CEP290: variants seen among roughly 807,000 people sequenced by gnomAD.
The protein encoded by CEP290 is centrosomal protein of 290 kDa.
In CEP290, 317 loss-of-function variants were observed where a neutral mutation model predicts 344.9. That is an observed-to-expected ratio of 0.92 (90% CI 0.84 to 1.01). CEP290 has a LOEUF of 1.01. Among genes scored for constraint, CEP290 ranks in the 50% least tolerant of loss-of-function variants. The pLI is 0.00. For missense variants in CEP290, 2,754 were observed against 2,761.4 expected (o/e 1.00, Z 0.06); for synonymous variants, 932 against 895.8 (o/e 1.04, Z -0.72).
chr12:88,140,054 C>A (rs557722018), intron 3 of CEP290, among the ~76,000 whole-genome samples: 2 of 152,252 alleles, frequency 1.3e-5, no homozygotes, highest in South Asian at 2.1e-4. Flanking sequence ...CCATGCCAGG[C>A]AATTTTCTTA....
chr12:88,133,050 C>A (rs908002743), intron 6 of CEP290, among the ~76,000 whole-genome samples: 5 of 149,584 alleles, frequency 3.3e-5, no homozygotes, highest in African/African-American at 7.4e-5. Context: ...CATGTCCCTG[C>A]AAAGGACATG....
chr12:88,090,807 T>C lies in CEP290; in HGVS notation c.3494A>G (p.Gln1165Arg). The change falls in exon 30 of 54, where the codon CAA (glutamine) becomes CGA (arginine). Residue 1165 changes from glutamine (Q) to arginine (R), a missense_variant. Gln to Arg is a conservative substitution (Grantham distance 43). Transcript: ENST00000552810. ...TTGTTGTGCATTCAAAATTTCAACT[T>C]GTCTTCTGGCAATATCAGAAATCTC... Reference protein sequence around the residue: ...LREISDIARRQVEILNAQQQS... With the variant: ...LREISDIARRRVEILNAQQQS... 6.4e-7 allele frequency: 1 copy of C among 1,559,700 alleles called. No homozygotes were observed. Among genetic ancestry groups the C allele is most frequent in the Non-Finnish European group, 8.7e-7 (1 of 1,149,964 alleles).
In CEP290 at chr12:88,050,394, G is replaced by C. The variant is rs776216960; in HGVS notation, c.7169C>G (p.Thr2390Arg). 1.4e-5 allele frequency: 22 copies of C among 1,562,350 alleles called. No individual in the cohort carries two copies. The highest frequency in any genetic ancestry group is 2.3e-5 in the East Asian group (1 of 43,814). Residue 2390 changes from threonine to arginine, a missense_variant, in exon 53 of 54, where the codon ACA becomes AGA. By Grantham distance (71) the Thr-to-Arg change is moderately conservative. Transcript: ENST00000552810. ...TTCTAGATCTGACATTTTGAGCTGTGTCTCTAGATCTTTTATTTTTTCCTT... is the reference window on the plus strand; with the variant it reads ...TTCTAGATCTGACATTTTGAGCTGTCTCTCTAGATCTTTTATTTTTTCCTT... ...QLKEKIKDLE[T>R]QLKMSDLEKQ...
intron 18 of CEP290, among the ~76,000 whole-genome samples, chr12:88,116,760 G>A (rs1254766032): frequency 6.6e-6 from 1 of 151,894 alleles, no homozygotes; most frequent in African/African-American, 2.4e-5. Context: ...GGATCACGAG[G>A]TCAGAAGATC....
intron 47 of CEP290, 48 bp downstream of exon 47, chr12:88,060,782 C>T: frequency 7.1e-7 from 1 of 1,407,074 alleles, no homozygotes; most frequent in African/African-American, 1.5e-5. Flanking sequence ...TAAATAGTAA[C>T]AAAACGTAAA....
intron 52 of CEP290, 113 bp downstream of exon 52, chr12:88,053,539 A>G (rs2033736803): frequency 4.8e-6 from 3 of 629,188 alleles, no homozygotes; most frequent in Non-Finnish European, 8.6e-6. Context: ...CTTATCAGGA[A>G]TTCGATTTTA....
At chr12:88,054,604 A>AAG (rs1372444879) in intron 50 of CEP290, among the ~76,000 whole-genome samples, 191 bp from the exon 51 acceptor site, 1 of 152,212 alleles carries the variant, frequency 6.6e-6, no homozygotes, top group African/African-American at 2.4e-5. Context: ...GCATTGTCCT[A>AAG]GGCACAGAGG....
chr12:88,123,330 T>C (rs1030571289), intron 13 of CEP290, among the ~76,000 whole-genome samples: 3 of 152,112 alleles, frequency 2.0e-5, no homozygotes, highest in African/African-American at 7.2e-5. Context: ...TCTCCTTCTC[T>C]TTATAGAAAC....
Position 88,058,877 on chromosome 12 carries a change from AC to A in CEP290, c.6788del (p.Ser2263IlefsTer17), listed in dbSNP as rs765284400. The A allele has an allele frequency of 1.9e-6, 3 of 1,613,888 alleles. No individual in the cohort carries two copies. Among genetic ancestry groups the A allele is most frequent in the Middle Eastern group, 1.6e-4 (1 of 6,062 alleles). Reference protein sequence around the residue: ...SRGPQLEGADSKSWKSIVVTR... With the variant: ...SRGPQLEGADXKSWKSIVVTR... Reference sequence around the variant, plus strand: ...TAACCACAATGGATTTCCAGCTCTTACTGTCAGCACCTTCAAGCTGTGGACC... The same window carrying A: ...TAACCACAATGGATTTCCAGCTCTTATGTCAGCACCTTCAAGCTGTGGACC... On this transcript the variant is annotated frameshift_variant, in exon 49 of 54. Coordinates refer to ENST00000552810, the MANE Select transcript of CEP290 (RefSeq NM_025114.4). LOFTEE classifies it high-confidence loss of function.
intron 12 of CEP290, among the ~76,000 whole-genome samples, 154 bp downstream of exon 12, chr12:88,126,162 C>T (rs1225581624): frequency 6.6e-6 from 1 of 151,908 alleles, no homozygotes; most frequent in Non-Finnish European, 1.5e-5. Flanking sequence ...TTTATTGGGA[C>T]CAGGTGGTAG....
intron 11 of CEP290, among the ~76,000 whole-genome samples, chr12:88,127,738 T>C (rs2039820017): frequency 6.6e-6 from 1 of 152,298 alleles, no homozygotes; most frequent in South Asian, 2.1e-4. Context: ...TCCACAGATA[T>C]ACTTGTACAT....
In CEP290 at chr12:88,077,770, C is replaced by G. The variant is rs2035889578; in HGVS notation, c.5513G>C (p.Arg1838Thr). The G allele has an allele frequency of 6.3e-7, 1 of 1,581,806 alleles. No individual in the cohort carries two copies. Among genetic ancestry groups the G allele is most frequent in the Admixed American group, 1.8e-5 (1 of 55,170 alleles). The change falls in exon 40 of 54, where the codon AGA becomes ACA. Residue 1838 changes from arginine to threonine, a missense_variant. Transcript: ENST00000552810. ...KKQKAYNKIL[R>T]EKEEIDQEND... ...CTCTTGATCAATTTCCTCTTTCTCT[C>G]TAAGTATTTTATTATAGGCTTTTTG...
Position 88,083,763 on chromosome 12 carries a change from A to G in CEP290, c.4812+84T>C, listed in dbSNP as rs565905730. The G allele has an allele frequency of 4.9e-5, 43 of 879,082 alleles. No individual in the cohort carries two copies. The South Asian group carries it at 6.5e-4, about 13-fold the overall frequency. The allele number at this position is 879,082 out of a possible 1,614,324, so 54.5% of individuals were successfully genotyped here. On this transcript the variant is annotated intron_variant, in intron 36 of 53. Transcript: ENST00000552810. ...TTTGGCAACAAAAAGGGTAACTTCCATTCCAAAAAAGAAGAGAGCTGAATT... is the reference window on the plus strand; with the variant it reads ...TTTGGCAACAAAAAGGGTAACTTCCGTTCCAAAAAAGAAGAGAGCTGAATT...
chr12:88,141,968 GC>G lies in CEP290; in HGVS notation c.-97del, dbSNP rs2040704973. Reference sequence around the variant, plus strand: ...ACCACCAAGCTGGACCCGGCCGCGGGCCCTGACAGATCCCTATCGCGGTTCC... The same window carrying G: ...ACCACCAAGCTGGACCCGGCCGCGGGCCTGACAGATCCCTATCGCGGTTCC... On this transcript the variant is annotated 5_prime_UTR_variant, in exon 1 of 54. It introduces an in-frame stop codon into an upstream open reading frame of the 5' UTR. Transcript: ENST00000552810. 1 of 152,544 alleles carries G rather than the reference GC, an allele frequency of 6.6e-6. No homozygotes were observed. Among genetic ancestry groups the G allele is most frequent in the South Asian group, 2.1e-4 (1 of 4,826 alleles). The allele number at this position is 152,544 out of a possible 1,614,324, so 9.4% of individuals were successfully genotyped here. A position where few individuals can be genotyped will look rare whatever the true frequency, so the allele number is the denominator to read the frequency against.
intron 4 of CEP290, 49 bp from the exon 5 acceptor site, chr12:88,139,240 A>T: frequency 1.3e-6 from 1 of 750,376 alleles, no homozygotes; most frequent in Non-Finnish European, 2.1e-6. Flanking sequence ...TAGTTACCAC[A>T]AAACAAACTT....
chr12:88,091,549 C>T (rs2037043835), intron 29 of CEP290, among the ~76,000 whole-genome samples: 1 of 152,020 alleles, frequency 6.6e-6, no homozygotes, highest in Non-Finnish European at 1.5e-5. Context: ...ATAGATAAGG[C>T]AGGTTTCCTC....
rs1555208180 is a variant in CEP290 at position 88,086,435 on chromosome 12, T to TG, written c.4257dup (p.Ile1420HisfsTer3). The TG allele has an allele frequency of 6.2e-7, 1 of 1,600,048 alleles. No individual in the cohort carries two copies. The highest frequency in any genetic ancestry group is 8.5e-7 in the Non-Finnish European group (1 of 1,171,862). On this transcript the variant is annotated frameshift_variant, in exon 33 of 54. Coordinates refer to ENST00000552810, the MANE Select transcript of CEP290 (RefSeq NM_025114.4). LOFTEE classifies it high-confidence loss of function. ...ATTTCATTTTGCTGACGGTCAAAAA[T>TG]GTCTAGTTGGCGTTCCAGGTCAACT...
At chr12:88,073,317 C>T (rs1331231698) in intron 41 of CEP290, among the ~76,000 whole-genome samples, 1 of 152,172 alleles carries the variant, frequency 6.6e-6, no homozygotes, top group African/African-American at 2.4e-5. Context: ...CATGACCCAT[C>T]AGTTGCCAAT....
chr12:88,064,020 A>G lies in CEP290; in HGVS notation c.6231T>C (p.Phe2077=). Residue 2077 remains phenylalanine (F), a synonymous_variant, in exon 45 of 54, where the codon TTT becomes TTC. Transcript: ENST00000552810. ...KLSSENIELK[F]QLEQANKDLP... ...AATCTTTATTTGCTTGTTCAAGCTG[A>G]AATTTCAGTTCAATATTTTCAGATG... 1 of 1,599,058 alleles carries G rather than the reference A, an allele frequency of 6.3e-7. No individual in the cohort carries two copies. Among genetic ancestry groups the G allele is most frequent in the South Asian group, 1.1e-5 (1 of 87,808 alleles).
Sources: allele counts gnomAD v4.1 joint callset (sites outside exome capture counted in the v4.1 genomes callset), GRCh38; gene constraint gnomAD v4.1.1; transcripts MANE v1.5; gene names NCBI Gene and HGNC (gene_info 2026-07-23, HGNC 2026-07-21).